The following MFSD11 variants were observed in gnomAD, a reference collection of about 807,000 sequenced individuals.
MFSD11 encodes UNC93-like protein MFSD11.
A neutral mutation model predicts 53.5 loss-of-function variants in MFSD11; 36 were observed. That is an observed-to-expected ratio of 0.67 (90% CI 0.52 to 0.89). The LOEUF (loss-of-function observed/expected upper bound fraction) is 0.89. MFSD11 is among the 40% of genes least tolerant of loss of function. The pLI is 0.00. For missense variants in MFSD11, 530 were observed against 543.9 expected, an observed-to-expected ratio of 0.97 and a Z score of 0.25; for synonymous variants, 186 against 184.9, an observed-to-expected ratio of 1.01 and a Z score of -0.05.
the MFSD11 span, among the ~76,000 whole-genome samples, chr17:76,786,857 C>T: frequency 6.6e-6 from 1 of 152,046 alleles, no homozygotes; most frequent in Non-Finnish European, 1.5e-5. Flanking sequence ...GCTCTGTCAC[C>T]CAGGCTGGAG....
At position 76,778,241 on chromosome 17, in the gene MFSD11, G is replaced by T; in HGVS notation, c.1239G>T (p.Trp413Cys). The T allele has an allele frequency of 1.2e-6, 2 of 1,614,134 alleles. No individual in the cohort carries two copies. The highest frequency in any genetic ancestry group is 1.7e-6 in the Non-Finnish European group (2 of 1,180,018). The change falls in exon 13 of 13, where the codon TGG becomes TGT. Residue 413 changes from tryptophan (W) to cysteine (C), a missense_variant. By Grantham distance (215) the Trp-to-Cys change is radical. Transcript: ENST00000685175. ...FFYSNYLLLH[W>C]QLLVMVIFGF... ...ACAGCAACTACCTTCTCCTTCACTGGCAACTCCTGGTCATGGTGATATTTG... is the reference window on the plus strand; with the variant it reads ...ACAGCAACTACCTTCTCCTTCACTGTCAACTCCTGGTCATGGTGATATTTG...
At chr17:76,759,934 A>G (rs1295827100) in intron 8 of MFSD11, among the ~76,000 whole-genome samples, 1 of 151,480 alleles carries the variant, frequency 6.6e-6, no homozygotes, top group Non-Finnish European at 1.5e-5. Flanking sequence ...TATACTGTAG[A>G]CTTATAATAA....
At chr17:76,750,738 C>CTT (rs373052183) in intron 7 of MFSD11, among the ~76,000 whole-genome samples, 2 of 150,984 alleles carry the variant, frequency 1.3e-5, no homozygotes, top group African/African-American at 4.9e-5. Flanking sequence ...CTTTACATTA[C>CTT]TTTTTTTTGG....
At chr17:76,742,737 CT>C (rs771821868) in intron 5 of MFSD11, among the ~76,000 whole-genome samples, 1 of 152,128 alleles carries the variant, frequency 6.6e-6, no homozygotes, top group Non-Finnish European at 1.5e-5. Flanking sequence ...AACTCCTGAC[CT>C]TGTGATCCGC....
intron 10 of MFSD11, among the ~76,000 whole-genome samples, chr17:76,771,220 C>G (rs184914663): frequency 6.6e-6 from 1 of 152,320 alleles, no homozygotes; most frequent in East Asian, 1.9e-4. Flanking sequence ...AGGGTTGCCC[C>G]CTTAGCGTAA....
intron 1 of MFSD11, among the ~76,000 whole-genome samples, chr17:76,738,696 C>T (rs1216641897): frequency 6.6e-6 from 1 of 152,108 alleles, no homozygotes; most frequent in Non-Finnish European, 1.5e-5. Flanking sequence ...TTTTGTTTCT[C>T]GTCTGTATTA....
chr17:76,775,318 G>T, intron 11 of MFSD11, 147 bp downstream of exon 11: 1 of 610,556 alleles, frequency 1.6e-6, no homozygotes, highest in East Asian at 3.1e-5. Flanking sequence ...GTCAGACTGA[G>T]TTTAAATAGG....
intron 8 of MFSD11, chr17:76,754,336 CT>C: frequency 2.3e-6 from 1 of 429,286 alleles, no homozygotes; most frequent in Non-Finnish European, 4.2e-6. Context: ...CTGCATAGCA[CT>C]CAGGTTCTCC....
intron 8 of MFSD11, among the ~76,000 whole-genome samples, chr17:76,754,509 C>T (rs1003553806): frequency 1.3e-5 from 2 of 151,986 alleles, no homozygotes; most frequent in African/African-American, 4.8e-5. Context: ...ATGGCGAAAC[C>T]TCTTCTCTAC....
chr17:76,738,915 G>T, intron 1 of MFSD11, 23 bp from the exon 2 acceptor site: 1 of 1,609,810 alleles, frequency 6.2e-7, no homozygotes, highest in South Asian at 1.1e-5. Context: ...CATTTTCGTT[G>T]ATTAGTTTTA....
intron 8 of MFSD11, among the ~76,000 whole-genome samples, chr17:76,764,537 C>T (rs756439622): frequency 5.3e-5 from 8 of 152,180 alleles, no homozygotes; most frequent in Middle Eastern, 3.2e-3. Flanking sequence ...TTTCACTTAG[C>T]GTAATGCTCT....
chr17:76,769,667 T>A, intron 9 of MFSD11, 79 bp from the exon 10 acceptor site: 1 of 1,134,974 alleles, frequency 8.8e-7, no homozygotes, highest in African/African-American at 1.6e-5. Context: ...AAGTATTCTT[T>A]CGTCAGATAC....
the MFSD11 span, among the ~76,000 whole-genome samples, chr17:76,789,622 G>A: frequency 1.3e-4 from 20 of 150,012 alleles, no homozygotes; most frequent in East Asian, 2.7e-3. Context: ...TCATTTTAGC[G>A]ACACAGTTTA....
At chr17:76,752,750 G>A (rs1054006640) in intron 7 of MFSD11, among the ~76,000 whole-genome samples, 10 of 152,062 alleles carry the variant, frequency 6.6e-5, no homozygotes, top group African/African-American at 2.2e-4. Context: ...AGGTTGCGAC[G>A]AAGACCCACC....
rs758890629 is a variant in MFSD11, at chr17:76,739,560, TTTC to T, written c.152+570_152+572del. ...ACAGGTATATATACACAAACAGGTTTTTCTTTTTTAAAATTAGATTTGTTAATT... is the reference window on the plus strand; with the variant it reads ...ACAGGTATATATACACAAACAGGTTTTTTTTTAAAATTAGATTTGTTAATT... On this transcript the variant is annotated intron_variant, in intron 2 of 12. Transcript: ENST00000685175. Among the ~76,000 whole-genome samples the T allele has an allele frequency of 2.5e-4, 38 of 152,334 alleles. No individual in the cohort carries two copies. In the South Asian group the frequency reaches 3.7e-3, roughly 15 times the overall value.
At chr17:76,792,916 G>A in the MFSD11 span, among the ~76,000 whole-genome samples, 5 of 151,290 alleles carry the variant, frequency 3.3e-5, no homozygotes, top group Admixed American at 6.6e-5. Flanking sequence ...ATCACATGTC[G>A]GTAGGTTCCT....
rs78989100 is a variant in MFSD11 at position 76,749,298 on chromosome 17, C to T, written c.642-4749C>T. Among the ~76,000 whole-genome samples, 139 of 151,910 alleles carry T rather than the reference C, an allele frequency of 9.2e-4. 1 individual carries two copies. In the East Asian group the frequency reaches 0.021, roughly 23 times the overall value. ...TAGCACTTTGGGAGGCCGAGACAGG[C>T]GGATTGCTTGAACCCAGGAATTTGA... is the stretch of plus-strand genomic sequence containing the variant. On this transcript the variant is annotated intron_variant, in intron 7 of 12. Transcript: ENST00000685175.
At chr17:76,738,045 CA>C, upstream of MFSD11, 2 of 396,084 alleles carry the variant, frequency 5.0e-6, no homozygotes, top group East Asian at 7.4e-5. Flanking sequence ...CTGCGGCTGG[CA>C]CTTGGCCCTT....
At chr17:76,783,802 G>C (rs2082228641), downstream of MFSD11, among the ~76,000 whole-genome samples, 1 of 152,136 alleles carries the variant, frequency 6.6e-6, no homozygotes, top group African/African-American at 2.4e-5. Context: ...GAGCTCAGGT[G>C]ATCTGCCTGC....
Sources: gnomAD v4.1 joint callset for allele counts (sites outside exome capture counted in the v4.1 genomes callset) on GRCh38, gnomAD v4.1.1 for gene constraint, MANE v1.5 for transcripts, NCBI Gene and HGNC (gene_info 2026-07-23, HGNC 2026-07-21) for gene names.